The following MARCHF1 variants were observed in gnomAD, a reference collection of about 807,000 sequenced individuals.
MARCHF1 encodes membrane associated ring-CH-type finger 1.
A neutral mutation model predicts 54.2 loss-of-function variants in MARCHF1; 40 were observed. That is an observed-to-expected ratio of 0.74 (90% confidence interval 0.57 to 0.96). MARCHF1 has a LOEUF of 0.96. Among genes scored for constraint, MARCHF1 ranks in the 40% least tolerant of loss-of-function variants. The pLI is 0.00. For synonymous variants in MARCHF1, 236 were observed against 236.3 expected, an observed-to-expected ratio of 1.00 and a Z score of 0.01; for missense variants, 586 against 656.5, an observed-to-expected ratio of 0.89 and a Z score of 1.17.
At chr4:163,678,939 A>G (rs1057501674) in intron 5 of MARCHF1, among the ~76,000 whole-genome samples, 4 of 152,140 alleles carry the variant, frequency 2.6e-5, no homozygotes, top group African/African-American at 9.7e-5. Flanking sequence ...GCAACATTTC[A>G]TTTCCATACC....
chr4:163,813,523 C>T (rs1258139744), intron 4 of MARCHF1, among the ~76,000 whole-genome samples: 1 of 152,122 alleles, frequency 6.6e-6, no homozygotes, highest in East Asian at 1.9e-4. Context: ...TACAAAGCTT[C>T]CTGTCATCAA....
chr4:163,933,298 T>C (rs1437823600), intron 3 of MARCHF1: 2 of 598,208 alleles, frequency 3.3e-6, no homozygotes, highest in South Asian at 1.5e-5. Flanking sequence ...GAAACCTTTT[T>C]ACATATCTCC....
intron 4 of MARCHF1, among the ~76,000 whole-genome samples, chr4:163,845,758 T>G (rs1311491936): frequency 6.6e-6 from 1 of 152,162 alleles, no homozygotes; most frequent in East Asian, 1.9e-4. Context: ...GATTTATTCA[T>G]GTAAGGAGCA....
chr4:164,195,143 A>T lies in MARCHF1; in HGVS notation c.-322-83481T>A, dbSNP rs1009530608. Among the ~76,000 whole-genome samples the T allele has an allele frequency of 6.6e-5, 10 of 151,680 alleles. No individual in the cohort carries two copies. The South Asian group carries it at 1.2e-3, about 19-fold the overall frequency. On this transcript the variant is annotated intron_variant, in intron 1 of 9. Transcript: ENST00000514618. ...CATCCATGTCTTTTATTTTTTTTTT[A>T]AAGTCACTCATTAGCTCTAAGTTCT...
intron 4 of MARCHF1, among the ~76,000 whole-genome samples, chr4:163,840,801 C>T (rs181118762): frequency 5.3e-5 from 8 of 152,116 alleles, no homozygotes; most frequent in Admixed American, 2.0e-4. Context: ...GAGATACATA[C>T]TCATAACTAT....
chr4:163,680,842 T>C (rs1023478101), intron 5 of MARCHF1, among the ~76,000 whole-genome samples: 4 of 152,138 alleles, frequency 2.6e-5, no homozygotes, highest in African/African-American at 7.2e-5. Flanking sequence ...TTTACCATTA[T>C]GTATTTCTAT....
At chr4:163,809,697 T>C (rs1748329130) in intron 4 of MARCHF1, among the ~76,000 whole-genome samples, 1 of 151,830 alleles carries the variant, frequency 6.6e-6, no homozygotes, top group Non-Finnish European at 1.5e-5. Context: ...ATCATGTATA[T>C]TATATACATA....
At chr4:163,555,454 C>T (rs1040498578) in intron 8 of MARCHF1, among the ~76,000 whole-genome samples, 2 of 152,088 alleles carry the variant, frequency 1.3e-5, no homozygotes, top group Non-Finnish European at 2.9e-5. Flanking sequence ...TTAATATCAC[C>T]ATGTAAGAAC....
chr4:163,714,801 C>G (rs1403283864), intron 4 of MARCHF1, among the ~76,000 whole-genome samples: 2 of 152,100 alleles, frequency 1.3e-5, no homozygotes, highest in Non-Finnish European at 2.9e-5. Context: ...TCAACAGTAG[C>G]TAGGACTACA....
At chr4:163,674,641 C>T (rs1743851334) in intron 5 of MARCHF1, among the ~76,000 whole-genome samples, 1 of 152,108 alleles carries the variant, frequency 6.6e-6, no homozygotes, top group Admixed American at 6.5e-5. Flanking sequence ...CTGATACCTC[C>T]AGGGAAACAG....
intron 2 of MARCHF1, among the ~76,000 whole-genome samples, chr4:164,044,202 T>A (rs1459994268): frequency 1.3e-5 from 2 of 152,176 alleles, no homozygotes; most frequent in African/African-American, 4.8e-5. Flanking sequence ...CCACACATAG[T>A]ACCAATTTTC....
chr4:163,979,453 G>T (rs1219548975), intron 3 of MARCHF1, among the ~76,000 whole-genome samples: 3 of 144,570 alleles, frequency 2.1e-5, no homozygotes, highest in Non-Finnish European at 4.6e-5. Flanking sequence ...CCAAGTCTTT[G>T]CTATTGTGAA....
intron 2 of MARCHF1, among the ~76,000 whole-genome samples, chr4:164,056,087 C>T (rs1350188075): frequency 6.6e-6 from 1 of 152,146 alleles, no homozygotes; most frequent in Non-Finnish European, 1.5e-5. Flanking sequence ...TGTTACTGCA[C>T]ACATTAATTG....
intron 2 of MARCHF1, among the ~76,000 whole-genome samples, chr4:164,031,967 T>C (rs1420811301): frequency 4.6e-5 from 7 of 152,202 alleles, no homozygotes; most frequent in African/African-American, 1.7e-4. Flanking sequence ...GGTCTTGGGT[T>C]GTTTTTGGTT....
At chr4:164,134,791 A>C (rs896785946) in intron 1 of MARCHF1, among the ~76,000 whole-genome samples, 1 of 152,080 alleles carries the variant, frequency 6.6e-6, no homozygotes, top group Non-Finnish European at 1.5e-5. Flanking sequence ...ACTTAAAAAA[A>C]TACGAGATTC....
intron 1 of MARCHF1, among the ~76,000 whole-genome samples, chr4:164,281,018 A>G (rs1734012303): frequency 6.6e-6 from 1 of 152,194 alleles, no homozygotes; most frequent in African/African-American, 2.4e-5. Flanking sequence ...AAATATGGAA[A>G]AAATCCCACA....
chr4:163,980,473 C>T (rs978369989), intron 3 of MARCHF1, among the ~76,000 whole-genome samples: 7 of 150,768 alleles, frequency 4.6e-5, no homozygotes, highest in South Asian at 2.1e-4. Context: ...ACTTCATGTC[C>T]AAAACACCAA....
intron 1 of MARCHF1, among the ~76,000 whole-genome samples, chr4:164,169,667 C>T (rs189210561): frequency 1.3e-4 from 20 of 152,026 alleles, no homozygotes; most frequent in Non-Finnish European, 2.6e-4. Context: ...AAGCAGAGAG[C>T]TTTCAACATA....
chr4:164,077,868 A>G lies in MARCHF1; in HGVS notation c.-248+33720T>C, dbSNP rs188531847. On this transcript the variant is annotated intron_variant, in intron 2 of 9. Coordinates refer to ENST00000514618, the MANE Select transcript of MARCHF1 (RefSeq NM_001394959.1). ...GCCAGTGAGAATGGCAATCATTAAAAAGTCAGGAAACAACAGATGTTGGAG... is the reference window on the plus strand; with the variant it reads ...GCCAGTGAGAATGGCAATCATTAAAGAGTCAGGAAACAACAGATGTTGGAG... Among the ~76,000 whole-genome samples, 8 of 152,348 alleles carry G rather than the reference A, an allele frequency of 5.3e-5. No individual in the cohort carries two copies. The East Asian group carries it at 1.4e-3, about 26-fold the overall frequency.
Sources: gnomAD v4.1 joint callset for allele counts (sites outside exome capture counted in the v4.1 genomes callset) on GRCh38, gnomAD v4.1.1 for gene constraint, MANE v1.5 for transcripts, NCBI Gene and HGNC (gene_info 2026-07-23, HGNC 2026-07-21) for gene names.